Variants in DNAJB1 observed in about 807,000 individuals in gnomAD.
DNAJB1 encodes the protein DnaJ heat shock protein family (Hsp40) member B1, also known as dnaJ homolog subfamily B member 1.
A neutral mutation model predicts 24.0 loss-of-function variants in DNAJB1; 14 were observed. That is an observed-to-expected ratio of 0.58 (90% CI 0.39 to 0.91). The LOEUF is 0.91. Among genes scored for constraint, DNAJB1 ranks in the 40% least tolerant of loss-of-function variants. The pLI is 0.00. For missense variants in DNAJB1, 517 were observed against 458.1 expected (o/e 1.13, Z -1.17); for synonymous variants, 262 against 174.4 (o/e 1.50, Z -3.96).
chr19:14,526,700 C>T, intron 2 of DNAJB1, among the ~76,000 whole-genome samples: 1 of 152,164 alleles, frequency 6.6e-6, no homozygotes. Context: ...TATGGAATCT[C>T]TTCAAAATGA....
chr19:14,537,252 T>A (rs1599421185), intron 1 of DNAJB1, among the ~76,000 whole-genome samples: 1 of 10,576 alleles, frequency 9.5e-5, no homozygotes, highest in Admixed American at 1.2e-3. Flanking sequence ...CGGGCCTGGA[T>A]GGGGGAGGCG....
At chr19:14,551,039 C>T (rs1011297747), upstream of DNAJB1, among the ~76,000 whole-genome samples, 1 of 151,920 alleles carries the variant, frequency 6.6e-6, no homozygotes, top group African/African-American at 2.4e-5. Context: ...ATAATGTCAT[C>T]TTAAGATCCT....
chr19:14,539,323 T>G (rs554554742), intron 1 of DNAJB1, among the ~76,000 whole-genome samples: 180 of 152,082 alleles, frequency 1.2e-3, no homozygotes, highest in African/African-American at 3.8e-3. Context: ...GATCAGCTCT[T>G]TCCTTCTTCA....
upstream of DNAJB1, chr19:14,530,860 A>G (rs1042240759): frequency 6.6e-6 from 1 of 152,208 alleles, no homozygotes; most frequent in Non-Finnish European, 1.5e-5. Flanking sequence ...TTGTTGTGCA[A>G]CCATCACCAC....
intron 2 of DNAJB1, among the ~76,000 whole-genome samples, chr19:14,523,608 G>A (rs1209730122): frequency 6.7e-6 from 1 of 149,196 alleles, no homozygotes; most frequent in Non-Finnish European, 1.5e-5. Flanking sequence ...CCCTACACCC[G>A]GCCTTGTTTT....
chr19:14,528,667 G>A (rs921880662), intron 1 of DNAJB1, among the ~76,000 whole-genome samples: 1 of 151,898 alleles, frequency 6.6e-6, no homozygotes, highest in African/African-American at 2.4e-5. Flanking sequence ...GGGCCGGGCG[G>A]GGTGGCTCAG....
chr19:14,516,260 C>A, intron 2 of DNAJB1, 90 bp from the exon 3 acceptor site: 1 of 1,437,434 alleles, frequency 7.0e-7, no homozygotes, highest in Non-Finnish European at 9.5e-7. Flanking sequence ...TAAGACCCAT[C>A]AGGCCTCTGC....
chr19:14,543,120 A>G (rs951209943), intron 1 of DNAJB1, among the ~76,000 whole-genome samples: 2 of 150,874 alleles, frequency 1.3e-5, no homozygotes, highest in Non-Finnish European at 3.0e-5. Context: ...CTGGGGCTTC[A>G]GGAAACATCT....
upstream of DNAJB1, among the ~76,000 whole-genome samples, chr19:14,520,045 C>G (rs1194184510): frequency 6.6e-6 from 1 of 152,248 alleles, no homozygotes; most frequent in South Asian, 2.1e-4. Flanking sequence ...GGCTGGGTAA[C>G]CTTGGGTTAG....
At chr19:14,558,623 C>T (rs867165584) in intron 1 of DNAJB1, among the ~76,000 whole-genome samples, 1 of 152,172 alleles carries the variant, frequency 6.6e-6, no homozygotes, top group Admixed American at 6.5e-5. Flanking sequence ...CCTGTCTGCC[C>T]GTTCCTGCCC....
chr19:14,546,114 T>C (rs1424578331), intron 1 of DNAJB1, among the ~76,000 whole-genome samples: 1 of 152,100 alleles, frequency 6.6e-6, no homozygotes, highest in Admixed American at 6.6e-5. Context: ...GGGGACCAAG[T>C]CCTTCTGCAC....
intron 2 of DNAJB1, among the ~76,000 whole-genome samples, chr19:14,526,563 A>G (rs1371795947): frequency 1.3e-5 from 2 of 152,106 alleles, no homozygotes; most frequent in South Asian, 2.1e-4. Context: ...AATTATTTGT[A>G]TGTTCCGGTT....
At chr19:14,529,378 G>C (rs2072520784), upstream of DNAJB1, 1 of 538,356 alleles carries the variant, frequency 1.9e-6, no homozygotes, top group Non-Finnish European at 3.4e-6. Context: ...ACCTCCTTTG[G>C]ATTGGTGGAT....
chr19:14,546,045 AC>A (rs1568409392), intron 1 of DNAJB1, among the ~76,000 whole-genome samples: 1 of 152,014 alleles, frequency 6.6e-6, no homozygotes, highest in East Asian at 1.9e-4. Context: ...CCGCCATGCC[AC>A]TGACTCTTGG....
chr19:14,551,998 G>T (rs1355282256), upstream of DNAJB1, among the ~76,000 whole-genome samples: 1 of 107,326 alleles, frequency 9.3e-6, no homozygotes. Flanking sequence ...TTTTTGAGAT[G>T]GAGTCTCGCT....
At chr19:14,531,160 G>T (rs2072638348), upstream of DNAJB1, 1 of 151,980 alleles carries the variant, frequency 6.6e-6, no homozygotes, top group African/African-American at 2.4e-5. Flanking sequence ...TCAGCCTCCT[G>T]AATAGCTGGG....
upstream of DNAJB1, chr19:14,530,290 A>G (rs2072583078): frequency 6.2e-6 from 1 of 160,402 alleles, no homozygotes; most frequent in Non-Finnish European, 1.4e-5. Context: ...GGTGTCACCA[A>G]GGAGAAATCT....
At chr19:14,529,583 C>T, upstream of DNAJB1, 13 of 1,535,412 alleles carry the variant, frequency 8.5e-6, no homozygotes, top group Non-Finnish European at 1.2e-5. Flanking sequence ...GCGGGGCGGA[C>T]GCAGAGCCGC....
intron 1 of DNAJB1, among the ~76,000 whole-genome samples, chr19:14,535,726 G>A (rs2072874683): frequency 7.4e-6 from 1 of 134,592 alleles, no homozygotes; most frequent in African/African-American, 2.8e-5. Context: ...ACTGCATTCC[G>A]GTCCTGGGCA....
Sources: allele counts gnomAD v4.1 joint callset (sites outside exome capture counted in the v4.1 genomes callset), GRCh38; gene constraint gnomAD v4.1.1; transcripts MANE v1.5; gene names NCBI Gene and HGNC (gene_info 2026-07-23, HGNC 2026-07-21).